NR3C1: variants seen among roughly 807,000 people sequenced by gnomAD.
NR3C1 encodes nuclear receptor subfamily 3 group C member 1, also known as glucocorticoid receptor.
In NR3C1, 14 loss-of-function variants were observed where a neutral mutation model predicts 74.0. That is an observed-to-expected ratio of 0.19 (90% CI 0.12 to 0.30). NR3C1 has a LOEUF of 0.30. Among genes scored for constraint, NR3C1 ranks in the 10% least tolerant of loss-of-function variants. The pLI is 1.00. For synonymous variants in NR3C1, 308 were observed against 332.5 expected (o/e 0.93, Z 0.80); for missense variants, 695 against 909.8 (o/e 0.76, Z 3.04).
At chr5:143,402,474 T>C in intron 1 of NR3C1, 1 of 498,152 alleles carries the variant, frequency 2.0e-6, no homozygotes, top group Non-Finnish European at 2.6e-6. Context: ...ACAGGGGGTC[T>C]TTTTCTAAAA....
At chr5:143,323,670 G>A (rs1823897525) in intron 2 of NR3C1, among the ~76,000 whole-genome samples, 1 of 152,096 alleles carries the variant, frequency 6.6e-6, no homozygotes, top group Non-Finnish European at 1.5e-5. Context: ...TAACCCAGAA[G>A]TCCACAGTCC....
At chr5:143,415,517 T>C (rs1479818733) in intron 1 of NR3C1, among the ~76,000 whole-genome samples, 1 of 152,232 alleles carries the variant, frequency 6.6e-6, no homozygotes, top group Non-Finnish European at 1.5e-5. Flanking sequence ...CATGCATGCA[T>C]ATATGTTTTT....
chr5:143,371,802 TTATC>T (rs1834284722), intron 2 of NR3C1, among the ~76,000 whole-genome samples: 1 of 152,380 alleles, frequency 6.6e-6, no homozygotes, highest in African/African-American at 2.4e-5. Context: ...TAATTTATCA[TTATC>T]TATGCCACTA....
At chr5:143,364,859 C>A (rs1192544715) in intron 2 of NR3C1, among the ~76,000 whole-genome samples, 1 of 152,092 alleles carries the variant, frequency 6.6e-6, no homozygotes, top group Non-Finnish European at 1.5e-5. Flanking sequence ...GCACACACCA[C>A]CATGCCTGGC....
At chr5:143,344,546 T>C (rs775280467) in intron 2 of NR3C1, among the ~76,000 whole-genome samples, 2 of 152,178 alleles carry the variant, frequency 1.3e-5, no homozygotes, top group Non-Finnish European at 2.9e-5. Flanking sequence ...AATAATGTTT[T>C]GTTCAACATT....
At chr5:143,284,770 T>C (rs1424205307) in intron 7 of NR3C1, among the ~76,000 whole-genome samples, 1 of 152,026 alleles carries the variant, frequency 6.6e-6, no homozygotes, top group Admixed American at 6.6e-5. Flanking sequence ...TTATGATCCC[T>C]AGGAAAAGAG....
Position 143,383,608 on chromosome 5 carries a change from A to G in NR3C1, c.1184+16048T>C, listed in dbSNP as rs80196320. On this transcript the variant is annotated intron_variant, in intron 2 of 8. Transcript: ENST00000394464. ...GGCTATGGCCTGGACTACATAAAGG[A>G]AAGCATACAAAATAAGTGGCACTAA... Among the ~76,000 whole-genome samples, 156 of 152,302 alleles carry G rather than the reference A, an allele frequency of 1.0e-3. 3 individuals carry two copies. In the East Asian group the frequency reaches 0.022, roughly 22 times the overall value.
intron 7 of NR3C1, among the ~76,000 whole-genome samples, chr5:143,288,700 T>C (rs1258203328): frequency 6.6e-6 from 1 of 152,112 alleles, no homozygotes; most frequent in African/African-American, 2.4e-5. Context: ...CTCAAACTCC[T>C]GGGCTTAAGC....
At chr5:143,304,184 C>T (rs1819095719) in intron 4 of NR3C1, among the ~76,000 whole-genome samples, 1 of 152,110 alleles carries the variant, frequency 6.6e-6, no homozygotes, top group African/African-American at 2.4e-5. Flanking sequence ...TGTCAAAAGG[C>T]TCCTGGAGCT....
intron 4 of NR3C1, among the ~76,000 whole-genome samples, chr5:143,305,907 A>G (rs942717620): frequency 2.0e-5 from 3 of 152,136 alleles, no homozygotes; most frequent in African/African-American, 7.2e-5. Flanking sequence ...ATAAGAGAGA[A>G]ACTACTAGAT....
chr5:143,429,846 G>A (rs1036135599), intron 1 of NR3C1, among the ~76,000 whole-genome samples: 13 of 152,050 alleles, frequency 8.5e-5, no homozygotes, highest in East Asian at 3.9e-4. Context: ...TTGGGAGGCC[G>A]AGGTGGGCAG....
chr5:143,433,474 A>AAATTATATATATATATAGTTT (rs1751969622), intron 1 of NR3C1, among the ~76,000 whole-genome samples: 1 of 21,278 alleles, frequency 4.7e-5, no homozygotes, highest in Non-Finnish European at 1.4e-4. Flanking sequence ...ATATATATTT[A>AAATTATATATATATATAGTTT]ATTTCATCTT....
chr5:143,319,336 T>C (rs1242312669), intron 2 of NR3C1, among the ~76,000 whole-genome samples: 1 of 152,208 alleles, frequency 6.6e-6, no homozygotes, highest in Non-Finnish European at 1.5e-5. Flanking sequence ...ATGACATGAT[T>C]GGCTTAGTCT....
intron 1 of NR3C1, among the ~76,000 whole-genome samples, chr5:143,402,002 C>T (rs10482616): frequency 0.17 from 25,510 of 152,098 alleles, 2,269 homozygotes; most frequent in South Asian, 0.25. Context: ...AGTCAAATCC[C>T]GTCCAATAAA....
chr5:143,351,136 C>T (rs923248279), intron 2 of NR3C1, among the ~76,000 whole-genome samples: 9 of 152,160 alleles, frequency 5.9e-5, no homozygotes, highest in East Asian at 1.9e-4. Context: ...TAACTGCCTT[C>T]GTATGTAGTC....
intron 1 of NR3C1, among the ~76,000 whole-genome samples, chr5:143,433,547 C>T (rs1181734217): frequency 9.4e-6 from 1 of 106,146 alleles, no homozygotes; most frequent in Non-Finnish European, 2.2e-5. Context: ...TTATTGGCAC[C>T]TTGGAATAAT....
intron 1 of NR3C1, among the ~76,000 whole-genome samples, chr5:143,414,354 T>C (rs1841411284): frequency 6.6e-6 from 1 of 152,164 alleles, no homozygotes. Flanking sequence ...ACAAGCTGAA[T>C]GTCACGCAAA....
In NR3C1 at chr5:143,368,096, T is replaced by C. The variant is rs545189490; in HGVS notation, c.1184+31560A>G. 3.3e-5 allele frequency among the ~76,000 whole-genome samples: 5 copies of C among 152,334 alleles called. No individual in the cohort carries two copies. The South Asian group carries it at 6.2e-4, about 19-fold the overall frequency. ...GTCCAGGAATAAGCCTATATATTTATGGTCAGTTGATTTCAACAAGGTATC... is the reference window on the plus strand; with the variant it reads ...GTCCAGGAATAAGCCTATATATTTACGGTCAGTTGATTTCAACAAGGTATC... On this transcript the variant is annotated intron_variant, in intron 2 of 8. Transcript: ENST00000394464.
intron 2 of NR3C1, among the ~76,000 whole-genome samples, chr5:143,324,987 T>C (rs1005225021): frequency 6.6e-6 from 1 of 152,240 alleles, no homozygotes; most frequent in African/African-American, 2.4e-5. Flanking sequence ...ACTATCAGCA[T>C]GTTGGTCAAA....
Sources: allele counts gnomAD v4.1 joint callset (sites outside exome capture counted in the v4.1 genomes callset), GRCh38; gene constraint gnomAD v4.1.1; transcripts MANE v1.5; gene names NCBI Gene and HGNC (gene_info 2026-07-23, HGNC 2026-07-21).